The following CFAP221 variants were observed in gnomAD, a reference collection of about 807,000 sequenced individuals.
CFAP221 encodes cilia and flagella associated protein 221, also known as cilia- and flagella-associated protein 221.
Under a neutral mutation model 113.1 loss-of-function variants are expected in CFAP221, and 97 were observed. The ratio of observed to expected loss-of-function variants is 0.86; its 90% CI spans 0.73 to 1.02. The LOEUF is 1.02. CFAP221 is among the 50% of genes least tolerant of loss of function. The pLI is 0.00. For synonymous variants in CFAP221, 331 were observed against 354.4 expected (o/e 0.93, Z 0.74); for missense variants, 1,025 against 1,013.4 (o/e 1.01, Z -0.16).
chr2:119,591,976 TG>T (rs1217116613), intron 7 of CFAP221, among the ~76,000 whole-genome samples: 1 of 152,174 alleles, frequency 6.6e-6, no homozygotes, highest in African/African-American at 2.4e-5. Context: ...TCTTTAAAAA[TG>T]GCTTTATAAA....
At chr2:119,625,294 G>A (rs1686220533) in intron 14 of CFAP221, among the ~76,000 whole-genome samples, 1 of 152,164 alleles carries the variant, frequency 6.6e-6, no homozygotes, top group Admixed American at 6.5e-5. Flanking sequence ...CAAAGAACTA[G>A]TCATTCTTTC....
At chr2:119,593,205 C>A (rs1018189119) in intron 7 of CFAP221, among the ~76,000 whole-genome samples, 1 of 151,928 alleles carries the variant, frequency 6.6e-6, no homozygotes, top group African/African-American at 2.4e-5. Flanking sequence ...CCTGTGTTTT[C>A]AGTGTGTGTG....
chr2:119,647,117 G>A, intron 22 of CFAP221, 67 bp downstream of exon 22: 1 of 1,274,572 alleles, frequency 7.8e-7, no homozygotes, highest in Non-Finnish European at 1.1e-6. Context: ...GTGAGGTGCT[G>A]TGAGGAACTT....
chr2:119,627,054 A>G (rs1318581639), intron 15 of CFAP221, among the ~76,000 whole-genome samples: 4 of 151,750 alleles, frequency 2.6e-5, no homozygotes, highest in African/African-American at 9.7e-5. Flanking sequence ...CCCAATACAT[A>G]TATTCCCAAT....
chr2:119,559,674 C>A lies in CFAP221; in HGVS notation c.241-15C>A. 1 of 1,509,526 alleles carries A rather than the reference C, an allele frequency of 6.6e-7. No homozygotes were observed. The highest frequency in any genetic ancestry group is 8.9e-7 in the Non-Finnish European group (1 of 1,122,788). The allele number at this position is 1,509,526 out of a possible 1,614,324, so 93.5% of individuals were successfully genotyped here. A position where few individuals can be genotyped will look rare whatever the true frequency, so the allele number is the denominator to read the frequency against. ...AGCCGTGTATTTCCTCTAAATACTT[C>A]TTTTTCTCTCCCAGCATCTGGTCAA... On this transcript the variant is annotated splice_polypyrimidine_tract_variant and intron_variant, in intron 3 of 23. Coordinates refer to ENST00000413369, the MANE Select transcript of CFAP221 (RefSeq NM_001271049.2).
At chr2:119,583,519 T>A (rs947107097) in intron 6 of CFAP221, among the ~76,000 whole-genome samples, 1 of 151,872 alleles carries the variant, frequency 6.6e-6, no homozygotes, top group African/African-American at 2.4e-5. Context: ...CAGATAAACT[T>A]TTACAACCCA....
intron 21 of CFAP221, among the ~76,000 whole-genome samples, chr2:119,641,717 C>T (rs1687500252): frequency 1.3e-5 from 2 of 152,154 alleles, no homozygotes; most frequent in Non-Finnish European, 2.9e-5. Context: ...CCCTCCTTCC[C>T]CGCCCACTAA....
At chr2:119,575,290 G>A (rs957109120) in intron 6 of CFAP221, among the ~76,000 whole-genome samples, 3 of 151,886 alleles carry the variant, frequency 2.0e-5, no homozygotes, top group Non-Finnish European at 2.9e-5. Flanking sequence ...CATGGCTTTC[G>A]CTCCTGATGC....
rs148041082 is a variant in CFAP221 at position 119,550,269 on chromosome 2, G to A, written c.240+1084G>A. On this transcript the variant is annotated intron_variant, in intron 3 of 23. Transcript: ENST00000413369. ...GATTATTTTAAGAAAGTTCTATCAC[G>A]TTCGATTGTTTAGAGTGAGGCAAAA... Among the ~76,000 whole-genome samples, 96 of 152,280 alleles carry A rather than the reference G, an allele frequency of 6.3e-4. 1 individual carries two copies. Among genetic ancestry groups the A allele is most frequent in the African/African-American group, 2.2e-3 (90 of 41,556 alleles).
At chr2:119,647,287 G>A (rs1046909618) in intron 22 of CFAP221, among the ~76,000 whole-genome samples, 1 of 152,156 alleles carries the variant, frequency 6.6e-6, no homozygotes, top group African/African-American at 2.4e-5. Flanking sequence ...GGAGCTCAAG[G>A]GAGAGATCTG....
At chr2:119,578,307 A>G (rs939120469) in intron 6 of CFAP221, among the ~76,000 whole-genome samples, 9 of 152,256 alleles carry the variant, frequency 5.9e-5, no homozygotes, top group Admixed American at 6.5e-5. Flanking sequence ...CTAAGTGGAA[A>G]GAGTGTTGAA....
chr2:119,618,410 T>C, intron 14 of CFAP221, among the ~76,000 whole-genome samples: 1 of 152,284 alleles, frequency 6.6e-6, no homozygotes, highest in South Asian at 2.1e-4. Flanking sequence ...TGGGACTGTT[T>C]AGACAGTGGG....
At chr2:119,627,848 C>A (rs1452723949) in intron 16 of CFAP221, 62 bp downstream of exon 16, 18 of 1,591,194 alleles carry the variant, frequency 1.1e-5, no homozygotes, top group Non-Finnish European at 1.5e-5. Context: ...TGGGCAGATA[C>A]AAGGCAAGCC....
downstream of CFAP221, among the ~76,000 whole-genome samples, chr2:119,656,883 C>T (rs58016702): frequency 6.6e-6 from 1 of 152,096 alleles, no homozygotes; most frequent in South Asian, 2.1e-4. Context: ...AAGAGCAATA[C>T]TGGTATGAAT....
At chr2:119,640,408 A>G (rs573367103) in intron 21 of CFAP221, among the ~76,000 whole-genome samples, 1 of 152,288 alleles carries the variant, frequency 6.6e-6, no homozygotes, top group African/African-American at 2.4e-5. Context: ...TGGATGATGA[A>G]AGAAGAAACT....
chr2:119,581,277 C>A (rs1682826164), intron 6 of CFAP221, among the ~76,000 whole-genome samples: 1 of 152,060 alleles, frequency 6.6e-6, no homozygotes, highest in African/African-American at 2.4e-5. Context: ...AATAGATACA[C>A]TTAGGATTCT....
At position 119,630,490 on chromosome 2, in the gene CFAP221, C is replaced by T. The variant is rs114284341; in HGVS notation, c.1732-80C>T. ...GTCTTACTTTTACCACCAGGAAGCT[C>T]GGAAATGCTGTTGTTGAGAAGTAGA... On this transcript the variant is annotated intron_variant, in intron 17 of 23. Transcript: ENST00000413369. 262 of 1,075,266 alleles carry T rather than the reference C, an allele frequency of 2.4e-4. 1 individual carries two copies. In the African/African-American group the frequency reaches 3.6e-3, roughly 15 times the overall value. The allele number at this position is 1,075,266 out of a possible 1,614,324, so 66.6% of individuals were successfully genotyped here.
chr2:119,552,899 T>C (rs1196313094), intron 3 of CFAP221, among the ~76,000 whole-genome samples: 2 of 152,122 alleles, frequency 1.3e-5, no homozygotes, highest in Non-Finnish European at 2.9e-5. Flanking sequence ...TTGTTATCTC[T>C]AACGAAGTTG....
At position 119,571,600 on chromosome 2, in the gene CFAP221, A is replaced by G. The variant is rs549898667; in HGVS notation, c.527+9486A>G. 8.5e-4 allele frequency among the ~76,000 whole-genome samples: 130 copies of G among 152,110 alleles called. 1 individual carries two copies. Among genetic ancestry groups the G allele is most frequent in the Non-Finnish European group, 1.6e-3 (107 of 67,986 alleles). ...CTCCTGAGTAGCTTGGACCACAGAC[A>G]TGCACCACCACACCTAGCTAACTTT... is the stretch of plus-strand genomic sequence containing the variant. On this transcript the variant is annotated intron_variant, in intron 6 of 23. Coordinates refer to ENST00000413369, the MANE Select transcript of CFAP221 (RefSeq NM_001271049.2).
Sources: allele counts gnomAD v4.1 joint callset (sites outside exome capture counted in the v4.1 genomes callset), GRCh38; gene constraint gnomAD v4.1.1; transcripts MANE v1.5; gene names NCBI Gene and HGNC (gene_info 2026-07-23, HGNC 2026-07-21).